The following YY1 variants were observed in gnomAD, a reference collection of about 807,000 sequenced individuals.
YY1 encodes the protein YY1 transcription factor.
In YY1, 2 loss-of-function variants were observed where a neutral mutation model predicts 35.6. The ratio of observed to expected loss-of-function variants is 0.06; its 90% CI spans 0.02 to 0.18. The LOEUF is 0.18. Ranked by LOEUF, YY1 falls within the 10% of genes least tolerant of loss-of-function variation. YY1 has a pLI of 1.00. For missense variants in YY1, 322 were observed against 573.4 expected, an observed-to-expected ratio of 0.56 and a Z score of 4.48; for synonymous variants, 268 against 238.9, an observed-to-expected ratio of 1.12 and a Z score of -1.12.
At chr14:100,253,759 T>C (rs1566773149) in intron 1 of YY1, among the ~76,000 whole-genome samples, 1 of 152,152 alleles carries the variant, frequency 6.6e-6, no homozygotes, top group African/African-American at 2.4e-5. Context: ...AGTACTGGGA[T>C]TCAGGCATGA....
chr14:100,274,790 A>G, intron 3 of YY1, 32 bp downstream of exon 3: 1 of 1,596,050 alleles, frequency 6.3e-7, no homozygotes, highest in Non-Finnish European at 8.6e-7. Flanking sequence ...GTGTTCATTA[A>G]ACTGTTGATG....
intron 1 of YY1, 152 bp from the exon 2 acceptor site, chr14:100,262,152 G>A: frequency 1.3e-6 from 1 of 761,334 alleles, no homozygotes; most frequent in Non-Finnish European, 2.1e-6. Flanking sequence ...GACAGAGTGA[G>A]ACCGTTCTCC....
At chr14:100,243,645 C>A (rs957395227) in intron 1 of YY1, among the ~76,000 whole-genome samples, 3 of 151,588 alleles carry the variant, frequency 2.0e-5, no homozygotes, top group South Asian at 2.1e-4. Flanking sequence ...AACAAAAAAC[C>A]CCACAAAAAT....
At chr14:100,251,153 A>T (rs1890918881) in intron 1 of YY1, among the ~76,000 whole-genome samples, 1 of 152,228 alleles carries the variant, frequency 6.6e-6, no homozygotes. Flanking sequence ...AAGTGTGATT[A>T]AACCAGGGCT....
At position 100,239,478 on chromosome 14, in the gene YY1, C is replaced by A; in HGVS notation, c.234C>A (p.His78Gln). The A allele has an allele frequency of 6.2e-7, 1 of 1,605,706 alleles. No homozygotes were observed. The highest frequency in any genetic ancestry group is 1.1e-5 in the South Asian group (1 of 90,650). Residue 78 changes from histidine to glutamine, a missense_variant, in exon 1 of 5, where the codon CAC (histidine) becomes CAA (glutamine). Around this residue, in one of 4 missense-constraint regions of YY1, gnomAD observed 137 missense variants for 167.0 expected, o/e 0.82. Transcript: ENST00000262238. ...ACCACCACCACCACCATCACCACCA[C>A]CACCACCCGCCCATGATCGCTCTGC... ...AGHHHHHHHH[H>Q]HHPPMIALQP...
intron 1 of YY1, among the ~76,000 whole-genome samples, chr14:100,251,670 T>G (rs1447990027): frequency 6.6e-6 from 1 of 152,214 alleles, no homozygotes; most frequent in Non-Finnish European, 1.5e-5. Context: ...CTACTCAATT[T>G]CCCAGACATG....
At chr14:100,262,766 G>T (rs182764455) in intron 2 of YY1, among the ~76,000 whole-genome samples, 2 of 152,038 alleles carry the variant, frequency 1.3e-5, no homozygotes, top group African/African-American at 4.8e-5. Flanking sequence ...TGCTATTAAT[G>T]TGAGTGGCAG....
intron 1 of YY1, among the ~76,000 whole-genome samples, chr14:100,243,187 A>G (rs1006803662): frequency 6.6e-6 from 1 of 152,260 alleles, no homozygotes; most frequent in East Asian, 1.9e-4. Context: ...TATACTCAGT[A>G]TAATTCCATA....
chr14:100,277,444 C>T lies in YY1; in HGVS notation c.1089C>T (p.Arg363=), dbSNP rs1891339915. The change falls in exon 5 of 5, where the codon CGC becomes CGT. Residue 363 remains arginine (R), a synonymous_variant. Coordinates refer to ENST00000262238, the MANE Select transcript of YY1 (RefSeq NM_003403.5). This position sits in a 1 kb window ranked among gnomAD's most constrained non-coding sequence, Gnocchi z 5.6. ...FQCTFEGCGK[R]FSLDFNLRTH... ...GCACGTTCGAAGGCTGTGGGAAACG[C>T]TTTTCACTGGACTTCAATTTGCGCA... is the stretch of plus-strand genomic sequence containing the variant. 1 of 1,614,104 alleles carries T rather than the reference C, an allele frequency of 6.2e-7. No homozygotes were observed. The highest frequency in any genetic ancestry group is 1.3e-5 in the African/African-American group (1 of 74,924).
chr14:100,240,739 T>A (rs1327150107), intron 1 of YY1, among the ~76,000 whole-genome samples: 1 of 151,888 alleles, frequency 6.6e-6, no homozygotes, highest in Non-Finnish European at 1.5e-5. Context: ...CGGTACCTAG[T>A]GGAAAGGGCC....
At position 100,249,776 on chromosome 14, in the gene YY1, G is replaced by GTTTTTTT. The variant is rs1890897396; in HGVS notation, c.679+9858_679+9859insTTTTTTT. 2.5e-4 allele frequency among the ~76,000 whole-genome samples: 34 copies of GTTTTTTT among 136,042 alleles called. 1 individual carries two copies. Among genetic ancestry groups the GTTTTTTT allele is most frequent in the African/African-American group, 8.9e-4 (32 of 35,890 alleles). The allele number at this position is 136,042 out of a possible 152,430, so 89.2% of individuals were successfully genotyped here. ...TTTTTTTTTGTTTGTTTTTGTTTTT[G>GTTTTTTT]TTTTTGTTTTTTTTTGAGACAGAGT... is the stretch of plus-strand genomic sequence containing the variant. On this transcript the variant is annotated intron_variant, in intron 1 of 4. Coordinates refer to ENST00000262238, the MANE Select transcript of YY1 (RefSeq NM_003403.5).
intron 2 of YY1, among the ~76,000 whole-genome samples, chr14:100,265,992 G>T (rs1434352045): frequency 6.6e-6 from 1 of 152,086 alleles, no homozygotes; most frequent in Non-Finnish European, 1.5e-5. Flanking sequence ...TGTCCACATG[G>T]CTGGGGAGGC....
chr14:100,254,428 C>G (rs900740302), intron 1 of YY1, among the ~76,000 whole-genome samples: 1 of 152,120 alleles, frequency 6.6e-6, no homozygotes, highest in Non-Finnish European at 1.5e-5. Context: ...CTCTAGAAGT[C>G]TTTTTGCAGC....
chr14:100,242,176 G>A (rs1566767524), intron 1 of YY1, among the ~76,000 whole-genome samples: 1 of 152,112 alleles, frequency 6.6e-6, no homozygotes, highest in African/African-American at 2.4e-5. Flanking sequence ...ATTTTTACAT[G>A]ATCTGCATTT....
In YY1 at chr14:100,249,100, A is replaced by ATTTTTTTTTT. The variant is rs60088505; in HGVS notation, c.679+9203_679+9212dup. 4.1e-4 allele frequency among the ~76,000 whole-genome samples: 19 copies of ATTTTTTTTTT among 46,834 alleles called. 5 individuals carry two copies. The highest frequency in any genetic ancestry group is 8.2e-4 in the Admixed American group (2 of 2,426). The allele number at this position is 46,834 out of a possible 152,430, so 30.7% of individuals were successfully genotyped here. ...TTTGTGATGGACTCTTTCTCGTGTA[A>ATTTTTTTTTT]TTTTTTTTTTTTTTTTTTTTTTTTT... On this transcript the variant is annotated intron_variant, in intron 1 of 4. Transcript: ENST00000262238.
At chr14:100,275,941 A>C (rs914559495) in intron 3 of YY1, 3 of 159,864 alleles carry the variant, frequency 1.9e-5, no homozygotes, top group African/African-American at 7.2e-5. Context: ...TTTCTTCTGT[A>C]GTTGCCATTC....
chr14:100,272,965 G>GTTTTTTTTTTTTTTTTTTTTGT (rs368896214), intron 2 of YY1, among the ~76,000 whole-genome samples: 1 of 127,708 alleles, frequency 7.8e-6, no homozygotes, highest in Non-Finnish European at 1.7e-5. Flanking sequence ...TTTTTTTTTT[G>GTTTTTTTTTTTTTTTTTTTTGT]TTTTTTTTTT....
intron 2 of YY1, among the ~76,000 whole-genome samples, chr14:100,272,205 A>C (rs1891248802): frequency 6.6e-6 from 1 of 151,678 alleles, no homozygotes; most frequent in South Asian, 2.1e-4. Flanking sequence ...CTGAGACAGG[A>C]GAATGGCATG....
intron 2 of YY1, among the ~76,000 whole-genome samples, chr14:100,273,109 C>A (rs1891269367): frequency 6.6e-6 from 1 of 151,836 alleles, no homozygotes; most frequent in South Asian, 2.1e-4. Flanking sequence ...GGATTACAGG[C>A]ATCTGCCACC....
Sources: allele counts gnomAD v4.1 joint callset (sites outside exome capture counted in the v4.1 genomes callset), GRCh38; gene constraint gnomAD v4.1.1; regional missense constraint gnomAD v4.1.1; non-coding constraint Gnocchi (gnomAD v3.1); transcripts MANE v1.5; gene names NCBI Gene and HGNC (gene_info 2026-07-23, HGNC 2026-07-21).